The following DNAJC15 variants were observed in gnomAD, a reference collection of about 807,000 sequenced individuals.
DNAJC15 encodes dnaJ homolog subfamily C member 15.
Under a neutral mutation model 22.4 loss-of-function variants are expected in DNAJC15, and 27 were observed. That is an observed-to-expected ratio of 1.20 (90% CI 0.89 to 1.66). The LOEUF (loss-of-function observed/expected upper bound fraction) is 1.66. DNAJC15 is among the 40% of genes most tolerant of loss of function. DNAJC15 has a pLI of 0.00. For missense variants in DNAJC15, 208 were observed against 187.1 expected, an observed-to-expected ratio of 1.11 and a Z score of -0.65; for synonymous variants, 79 against 63.2, an observed-to-expected ratio of 1.25 and a Z score of -1.19.
intron 1 of DNAJC15, 65 bp from the exon 2 acceptor site, chr13:43,065,621 A>G: frequency 1.5e-6 from 2 of 1,297,946 alleles, no homozygotes; most frequent in East Asian, 2.3e-5. Flanking sequence ...CTCATTATTA[A>G]AAATGATTTA....
rs2040813240 is a variant in DNAJC15 at position 43,109,213 on chromosome 13, T to C, written c.*1965T>C. 6.6e-6 allele frequency: 1 copy of C among 152,224 alleles called. No individual in the cohort carries two copies. The highest frequency in any genetic ancestry group is 2.1e-4 in the South Asian group (1 of 4,826). The allele number at this position is 152,224 out of a possible 1,614,324, so 9.4% of individuals were successfully genotyped here. Reference sequence around the variant, plus strand: ...TTATTCTTCACATGGTACATAACTATAGGGGCTATAGCTTGGTACCTTGTG... The same window carrying C: ...TTATTCTTCACATGGTACATAACTACAGGGGCTATAGCTTGGTACCTTGTG... On this transcript the variant is annotated 3_prime_UTR_variant, in exon 6 of 6. Coordinates refer to ENST00000379221, the MANE Select transcript of DNAJC15 (RefSeq NM_013238.3).
intron 1 of DNAJC15, among the ~76,000 whole-genome samples, chr13:43,060,615 CAGTA>C (rs954682190): frequency 3.9e-5 from 6 of 152,134 alleles, no homozygotes; most frequent in African/African-American, 1.4e-4. Flanking sequence ...TCCTCTTTAA[CAGTA>C]AGTCGAGGCC....
At chr13:43,038,656 G>C (rs1054343369) in intron 1 of DNAJC15, among the ~76,000 whole-genome samples, 2 of 152,074 alleles carry the variant, frequency 1.3e-5, no homozygotes, top group Non-Finnish European at 2.9e-5. Flanking sequence ...GCCAGGCTTG[G>C]TGGCTGGCTC....
rs530962919 is a variant in DNAJC15 at position 43,073,846 on chromosome 13, CT to C, written c.235-4762del. 3.6e-3 allele frequency among the ~76,000 whole-genome samples: 545 copies of C among 151,194 alleles called. 4 individuals carry two copies. The highest frequency in any genetic ancestry group is 0.013 in the African/African-American group (520 of 41,276). ...CAGTCTGCTCTTTTGAACAAGTGCC[CT>C]TTTGCTTGTTTTTTTGTTTTTTTTT... On this transcript the variant is annotated intron_variant, in intron 3 of 5. Coordinates refer to ENST00000379221, the MANE Select transcript of DNAJC15 (RefSeq NM_013238.3).
rs1017025355 is a variant in DNAJC15, at chr13:43,111,449, G to T, written c.*4201G>T. On this transcript the variant is annotated 3_prime_UTR_variant, in exon 6 of 6. Coordinates refer to ENST00000379221, the MANE Select transcript of DNAJC15 (RefSeq NM_013238.3). ...ATTAGAAATAATATATTTTATTCAT[G>T]TGCAGAAATCTTTTGGTTGTCCTGG... The T allele has an allele frequency of 2.0e-5, 3 of 152,160 alleles. No homozygotes were observed. The highest frequency in any genetic ancestry group is 2.9e-5 in the Non-Finnish European group (2 of 68,028). 9.4% of individuals were successfully genotyped at this position (152,160 alleles called of 1,614,324 possible). A position where few individuals can be genotyped will look rare whatever the true frequency, so the allele number is the denominator to read the frequency against.
At chr13:43,065,810 T>A in intron 2 of DNAJC15, 73 bp downstream of exon 2, 2 of 1,354,774 alleles carry the variant, frequency 1.5e-6, no homozygotes, top group Non-Finnish European at 2.1e-6. Flanking sequence ...GATTCATGAG[T>A]AGACCCTTAG....
chr13:43,074,867 A>G (rs372305154), intron 3 of DNAJC15, among the ~76,000 whole-genome samples: 6 of 152,156 alleles, frequency 3.9e-5, no homozygotes, highest in African/African-American at 1.2e-4. Context: ...ATTTTAAAAA[A>G]TAAACTCAAT....
chr13:43,023,662 G>C lies in DNAJC15; in HGVS notation c.36G>C (p.Glu12Asp), dbSNP rs2040363086. The change falls in exon 1 of 6, where the codon GAG becomes GAC. Residue 12 changes from glutamate (E) to aspartate (D), a missense_variant. By Grantham distance (45) the Glu-to-Asp change is conservative. Transcript: ENST00000379221. ...AARGVIAPVG[E>D]SLRYAEYLQP... ...GTGGTGTCATCGCTCCAGTTGGCGA[G>C]AGTTTGCGCTACGCTGAGTACTTGC... The C allele has an allele frequency of 1.9e-6, 3 of 1,612,702 alleles. No individual in the cohort carries two copies. Among genetic ancestry groups the C allele is most frequent in the Non-Finnish European group, 1.7e-6 (2 of 1,179,484 alleles).
In DNAJC15 at chr13:43,113,430, A is replaced by C. The variant is rs186986962; in HGVS notation, c.*6182A>C. 3.7e-4 allele frequency: 57 copies of C among 152,290 alleles called. No homozygotes were observed. Among genetic ancestry groups the C allele is most frequent in the African/African-American group, 1.3e-3 (56 of 41,542 alleles). The allele number at this position is 152,290 out of a possible 1,614,324, so 9.4% of individuals were successfully genotyped here. The stretch of plus-strand genomic sequence containing the variant: ...ATTCCAAAATTGTGTATAGTTCTAT[A>C]GTTGTCTGGTGGAGTCAATGGAACT... On this transcript the variant is annotated 3_prime_UTR_variant, in exon 6 of 6. Coordinates refer to ENST00000379221, the MANE Select transcript of DNAJC15 (RefSeq NM_013238.3).
intron 2 of DNAJC15, among the ~76,000 whole-genome samples, chr13:43,068,729 A>T (rs1394780155): frequency 1.3e-5 from 2 of 152,118 alleles, no homozygotes; most frequent in African/African-American, 4.8e-5. Flanking sequence ...TTTAATGGCT[A>T]TGATAATGGT....
intron 1 of DNAJC15, among the ~76,000 whole-genome samples, chr13:43,058,368 T>C (rs1040614177): frequency 5.3e-5 from 8 of 151,980 alleles, no homozygotes; most frequent in Non-Finnish European, 8.8e-5. Context: ...TTTTTGGCTG[T>C]GGGGTGGGTT....
intron 1 of DNAJC15, among the ~76,000 whole-genome samples, chr13:43,046,363 A>G (rs992239508): frequency 6.6e-6 from 1 of 152,148 alleles, no homozygotes; most frequent in Non-Finnish European, 1.5e-5. Context: ...TATGGTACAC[A>G]TAAAATATGA....
Position 43,085,809 on chromosome 13 carries a change from G to C in DNAJC15, c.353G>C (p.Arg118Thr), listed in dbSNP as rs773076307. The C allele has an allele frequency of 1.9e-6, 3 of 1,613,536 alleles. No homozygotes were observed. In the Admixed American group the frequency reaches 5.0e-5, roughly 27 times the overall value. Reference sequence around the variant, plus strand: ...GCTAAGATTAGAACAGCTCATAGGAGAGTCATGATTTTGAATCACCCAGAT... The same window carrying C: ...GCTAAGATTAGAACAGCTCATAGGACAGTCATGATTTTGAATCACCCAGAT... ...GKAKIRTAHR[R>T]VMILNHPDKG... The change falls in exon 5 of 6, where the codon AGA becomes ACA. Residue 118 changes from arginine (R) to threonine (T), a missense_variant. Arg to Thr is a moderately conservative substitution (Grantham distance 71). Coordinates refer to ENST00000379221, the MANE Select transcript of DNAJC15 (RefSeq NM_013238.3).
intron 1 of DNAJC15, among the ~76,000 whole-genome samples, chr13:43,061,723 T>G (rs1023017145): frequency 6.6e-6 from 1 of 152,250 alleles, no homozygotes; most frequent in Non-Finnish European, 1.5e-5. Flanking sequence ...GAGAACTCAC[T>G]TATCACCAAG....
chr13:43,105,553 A>G (rs74062321), intron 5 of DNAJC15, among the ~76,000 whole-genome samples: 2,537 of 152,268 alleles, frequency 0.017, 78 homozygotes, highest in East Asian at 0.1. Context: ...ATAAATTGTC[A>G]TGTCATTTTT....
intron 2 of DNAJC15, among the ~76,000 whole-genome samples, chr13:43,068,098 A>T (rs1364182073): frequency 6.6e-6 from 1 of 152,148 alleles, no homozygotes; most frequent in African/African-American, 2.4e-5. Context: ...TTGATTTGCA[A>T]ATAGGCTTAT....
At chr13:43,030,097 C>T (rs906489220) in intron 1 of DNAJC15, among the ~76,000 whole-genome samples, 2 of 152,124 alleles carry the variant, frequency 1.3e-5, no homozygotes, top group South Asian at 4.1e-4. Context: ...AATCAGAGTA[C>T]GTATAATACT....
chr13:43,082,296 T>TAGGGA (rs2040665679), intron 4 of DNAJC15, among the ~76,000 whole-genome samples: 1 of 152,172 alleles, frequency 6.6e-6, no homozygotes, highest in Non-Finnish European at 1.5e-5. Flanking sequence ...TTGAAATCTC[T>TAGGGA]GGTCTAGGTA....
chr13:43,087,187 G>A (rs1309680850), intron 5 of DNAJC15, among the ~76,000 whole-genome samples: 1 of 152,074 alleles, frequency 6.6e-6, no homozygotes, highest in African/African-American at 2.4e-5. Flanking sequence ...AATGTTTTTG[G>A]ATTATTGTTC....
Sources: gnomAD v4.1 joint callset for allele counts (sites outside exome capture counted in the v4.1 genomes callset) on GRCh38, gnomAD v4.1.1 for gene constraint, MANE v1.5 for transcripts, NCBI Gene and HGNC (gene_info 2026-07-23, HGNC 2026-07-21) for gene names.